NUP210: variants seen among roughly 807,000 people sequenced by gnomAD.
NUP210 encodes nuclear pore membrane glycoprotein 210.
A neutral mutation model predicts 196.0 loss-of-function variants in NUP210; 151 were observed. That is an observed-to-expected ratio of 0.77 (90% CI 0.67 to 0.88). The LOEUF is 0.88. Ranked by LOEUF, NUP210 falls within the 40% of genes least tolerant of loss-of-function variation. The pLI, the probability that NUP210 is intolerant of heterozygous loss-of-function variation, is 0.00. For missense variants in NUP210, 2,314 were observed against 2,493.7 expected, an observed-to-expected ratio of 0.93 and a Z score of 1.53; for synonymous variants, 1,070 against 1,052.7, an observed-to-expected ratio of 1.02 and a Z score of -0.32.
intron 33 of NUP210, among the ~76,000 whole-genome samples, chr3:13,324,450 A>G (rs1315744826): frequency 6.6e-6 from 1 of 151,748 alleles, no homozygotes; most frequent in Non-Finnish European, 1.5e-5. Flanking sequence ...TGACATCTCT[A>G]GCTCCCCGGC....
chr3:13,385,477 CA>C (rs1190629085), intron 6 of NUP210, among the ~76,000 whole-genome samples: 6 of 152,252 alleles, frequency 3.9e-5, no homozygotes, highest in Non-Finnish European at 8.8e-5. Flanking sequence ...TATCTAAACA[CA>C]AGTACACAGT....
intron 14 of NUP210, among the ~76,000 whole-genome samples, chr3:13,360,969 G>A (rs1018729031): frequency 3.9e-5 from 6 of 152,146 alleles, no homozygotes; most frequent in Admixed American, 6.5e-5. Context: ...AACCTTATGC[G>A]GGCCCCCAAA....
At chr3:13,391,554 G>C (rs1327392366) in intron 3 of NUP210, among the ~76,000 whole-genome samples, 2 of 151,380 alleles carry the variant, frequency 1.3e-5, no homozygotes, top group African/African-American at 4.9e-5. Flanking sequence ...ATGAAAGCTT[G>C]TGCTCTTCCT....
intron 25 of NUP210, 97 bp from the exon 26 acceptor site, chr3:13,338,014 G>A (rs1697296078): frequency 2.6e-6 from 3 of 1,176,290 alleles, no homozygotes; most frequent in Non-Finnish European, 3.6e-6. Flanking sequence ...GCGGCTCAGA[G>A]TCTGTGGCGA....
chr3:13,371,924 C>T lies in NUP210; in HGVS notation c.1696G>A (p.Gly566Arg), dbSNP rs574002918. The T allele has an allele frequency of 7.8e-5, 125 of 1,608,602 alleles. No homozygotes were observed. Among genetic ancestry groups the T allele is most frequent in the Non-Finnish European group, 9.6e-5 (113 of 1,177,790 alleles). The change falls in exon 13 of 40, where the codon GGG becomes AGG. Residue 566 changes from glycine to arginine, a missense_variant. Coordinates refer to ENST00000254508, the MANE Select transcript of NUP210 (RefSeq NM_024923.4). ...PLRISGLMPG[G>R]ASEVVTLSDC... ...CTCAAGGTGACCACCTCACTGGCCC[C>T]GCCGGGCATGAGGCCACTGATCCTC...
At chr3:13,401,154 T>C (rs530852171) in intron 1 of NUP210, among the ~76,000 whole-genome samples, 4 of 136,394 alleles carry the variant, frequency 2.9e-5, no homozygotes, top group African/African-American at 1.1e-4. Flanking sequence ...AGCTACTCGG[T>C]AGGCTGAGGC....
At chr3:13,393,042 C>T (rs984358072) in intron 3 of NUP210, among the ~76,000 whole-genome samples, 28 of 152,212 alleles carry the variant, frequency 1.8e-4, no homozygotes, top group African/African-American at 6.3e-4. Context: ...CTAGGCAGGC[C>T]ACTCCCTTAA....
At chr3:13,375,190 T>C (rs1286645479) in intron 11 of NUP210, among the ~76,000 whole-genome samples, 1 of 150,990 alleles carries the variant, frequency 6.6e-6, no homozygotes, top group Admixed American at 6.6e-5. Context: ...GGTCTCCCTA[T>C]GTTGCTCAGC....
chr3:13,371,397 T>C (rs2124909199), intron 13 of NUP210, among the ~76,000 whole-genome samples: 1 of 152,258 alleles, frequency 6.6e-6, no homozygotes, highest in East Asian at 1.9e-4. Context: ...GGATAAACTA[T>C]CACAGTCAGA....
chr3:13,418,867 T>A (rs1700433485), intron 1 of NUP210, among the ~76,000 whole-genome samples: 1 of 144,670 alleles, frequency 6.9e-6, no homozygotes, highest in African/African-American at 2.6e-5. Flanking sequence ...GAGAATCGCT[T>A]GAACCCGGGA....
At chr3:13,404,528 G>A (rs997680792) in intron 1 of NUP210, among the ~76,000 whole-genome samples, 2 of 152,144 alleles carry the variant, frequency 1.3e-5, no homozygotes, top group African/African-American at 4.8e-5. Flanking sequence ...TCCCCCTAAT[G>A]TTAGTTGTAA....
rs1697227673 is a variant in NUP210, at chr3:13,336,659, G to A, written c.3684+128C>T. On this transcript the variant is annotated intron_variant, in intron 27 of 39. Coordinates refer to ENST00000254508, the MANE Select transcript of NUP210 (RefSeq NM_024923.4). ...GAGCCTCGGGAGAGGGAAGAAAGTG[G>A]GCGGGCCTCTCTAGGTGTGAGGGTG... The A allele has an allele frequency of 3.1e-6, 3 of 982,028 alleles. No individual in the cohort carries two copies. In the East Asian group the frequency reaches 8.3e-5, roughly 27 times the overall value. The allele number at this position is 982,028 out of a possible 1,614,324, so 60.8% of individuals were successfully genotyped here.
At chr3:13,411,685 T>C (rs1700178694) in intron 1 of NUP210, among the ~76,000 whole-genome samples, 1 of 152,292 alleles carries the variant, frequency 6.6e-6, no homozygotes, top group East Asian at 1.9e-4. Flanking sequence ...CAGGCTCCTC[T>C]TGGTTGGACA....
At chr3:13,353,709 C>G in intron 17 of NUP210, 49 bp from the exon 18 acceptor site, 1 of 1,507,200 alleles carries the variant, frequency 6.6e-7, no homozygotes, top group Non-Finnish European at 9.2e-7. Flanking sequence ...CCCATCACCA[C>G]CCCTGAAGCA....
At chr3:13,396,932 G>A (rs1216336332) in intron 3 of NUP210, among the ~76,000 whole-genome samples, 1 of 152,146 alleles carries the variant, frequency 6.6e-6, no homozygotes, top group Non-Finnish European at 1.5e-5. Context: ...TCTGAGGTCT[G>A]GAACAGGAAG....
intron 36 of NUP210, among the ~76,000 whole-genome samples, chr3:13,321,262 T>C (rs894153774): frequency 3.3e-5 from 5 of 152,172 alleles, no homozygotes; most frequent in Non-Finnish European, 5.9e-5. Context: ...CTGTGGCAGA[T>C]GCTCCTGCAC....
At chr3:13,412,628 C>T (rs1700215168) in intron 1 of NUP210, among the ~76,000 whole-genome samples, 1 of 149,706 alleles carries the variant, frequency 6.7e-6, no homozygotes, top group South Asian at 2.1e-4. Context: ...GCAGGAGAAT[C>T]GCTTGAACCT....
At chr3:13,376,270 G>T (rs145634800) in intron 10 of NUP210, 21 bp downstream of exon 10, 2 of 1,612,446 alleles carry the variant, frequency 1.2e-6, no homozygotes, top group Non-Finnish European at 1.7e-6. Flanking sequence ...AAGGCACGAC[G>T]CAGGGGAGAC....
At chr3:13,411,966 CTCCTGACCTCAGGTGA>C in intron 1 of NUP210, among the ~76,000 whole-genome samples, 1 of 152,292 alleles carries the variant, frequency 6.6e-6, no homozygotes, top group East Asian at 1.9e-4. Context: ...TGGGCTCGAA[CTCCTGACCTCAGGTGA>C]TCCGCCCTCC....
Sources: gnomAD v4.1 joint callset for allele counts (sites outside exome capture counted in the v4.1 genomes callset) on GRCh38, gnomAD v4.1.1 for gene constraint, MANE v1.5 for transcripts, NCBI Gene and HGNC (gene_info 2026-07-23, HGNC 2026-07-21) for gene names.